The following CCBE1 variants were observed in gnomAD, a reference collection of about 807,000 sequenced individuals.
CCBE1 encodes collagen and calcium binding EGF domains 1, also known as collagen and calcium-binding EGF domain-containing protein 1.
CCBE1 carries 37 observed loss-of-function variants against 50.0 expected under a neutral mutation model. The ratio of observed to expected loss-of-function variants is 0.74; its 90% CI spans 0.57 to 0.97. The LOEUF is 0.97. Ranked by LOEUF, CCBE1 falls within the 50% of genes least tolerant of loss-of-function variation. CCBE1 has a pLI of 0.00. For missense variants in CCBE1, 538 were observed against 523.8 expected (o/e 1.03, Z -0.26); for synonymous variants, 234 against 203.7 (o/e 1.15, Z -1.27).
At chr18:59,478,625 G>A (rs112192966) in intron 3 of CCBE1, among the ~76,000 whole-genome samples, 73 of 152,310 alleles carry the variant, frequency 4.8e-4, no homozygotes, top group Middle Eastern at 3.4e-3. Flanking sequence ...AGGCCTAGAT[G>A]TTTGAAACCA....
chr18:59,623,205 T>A (rs1329943843), intron 2 of CCBE1, among the ~76,000 whole-genome samples: 1 of 152,194 alleles, frequency 6.6e-6, no homozygotes, highest in Non-Finnish European at 1.5e-5. Context: ...AATCCTTTTT[T>A]AAAAAATGTA....
chr18:59,547,736 T>A (rs35324693), intron 2 of CCBE1, among the ~76,000 whole-genome samples: 58,541 of 152,022 alleles, frequency 0.39, 11,322 homozygotes, highest in East Asian at 0.46. Flanking sequence ...AAAGGAAATG[T>A]ATGCAAACAG....
chr18:59,489,987 GTT>G (rs199609938), intron 2 of CCBE1, among the ~76,000 whole-genome samples: 1 of 122,232 alleles, frequency 8.2e-6, no homozygotes, highest in Non-Finnish European at 1.6e-5. Context: ...CGCATAAGGA[GTT>G]TTTTTTTTTT....
At chr18:59,467,750 G>A (rs1322186233) in intron 4 of CCBE1, among the ~76,000 whole-genome samples, 1 of 152,212 alleles carries the variant, frequency 6.6e-6, no homozygotes, top group East Asian at 1.9e-4. Flanking sequence ...GTGCACATGT[G>A]CTGCGTAGAC....
rs1023753597 is a variant in CCBE1 at position 59,514,596 on chromosome 18, G to A, written c.213-34358C>T. Among the ~76,000 whole-genome samples, 19 of 150,572 alleles carry A rather than the reference G, an allele frequency of 1.3e-4. No homozygotes were observed. In the East Asian group the frequency reaches 3.7e-3, roughly 29 times the overall value. On this transcript the variant is annotated intron_variant, in intron 2 of 10. Coordinates refer to ENST00000439986, the MANE Select transcript of CCBE1 (RefSeq NM_133459.4). ...TTCTATGGAATACAGACTTCCTTTGGGGAATTTAGGCATGCTCTCCTGTTT... is the reference window on the plus strand; with the variant it reads ...TTCTATGGAATACAGACTTCCTTTGAGGAATTTAGGCATGCTCTCCTGTTT...
rs1329121812 is a variant in CCBE1, at chr18:59,431,804, A to G, written c.*4104T>C. ...TGACTTCCTTTGGTCAATGAATCCA[A>G]TGGCAGATGTCGGGCATTAACTCAG... On this transcript the variant is annotated 3_prime_UTR_variant, in exon 11 of 11. Transcript: ENST00000439986. 4 of 152,264 alleles carry G rather than the reference A, an allele frequency of 2.6e-5. No homozygotes were observed. The highest frequency in any genetic ancestry group is 1.5e-5 in the Non-Finnish European group (1 of 68,070). 9.4% of individuals were successfully genotyped at this position (152,264 alleles called of 1,614,324 possible).
At chr18:59,611,359 T>C (rs1327578948) in intron 2 of CCBE1, among the ~76,000 whole-genome samples, 2 of 152,184 alleles carry the variant, frequency 1.3e-5, no homozygotes, top group Admixed American at 1.3e-4. Context: ...CAAATGGAAA[T>C]GCATGGCCAA....
chr18:59,470,971 A>G (rs910067787), intron 3 of CCBE1, among the ~76,000 whole-genome samples: 4 of 152,182 alleles, frequency 2.6e-5, no homozygotes, highest in African/African-American at 7.2e-5. Flanking sequence ...CTTTGCCTGC[A>G]TGGTGTTCTG....
At chr18:59,644,478 C>T (rs1192921095) in intron 2 of CCBE1, among the ~76,000 whole-genome samples, 12 of 152,362 alleles carry the variant, frequency 7.9e-5, no homozygotes, top group Middle Eastern at 6.8e-3. Flanking sequence ...CCACTTTAAC[C>T]TGTCCTCAGG....
chr18:59,457,127 T>G, intron 5 of CCBE1, among the ~76,000 whole-genome samples: 1 of 152,188 alleles, frequency 6.6e-6, no homozygotes, highest in Non-Finnish European at 1.5e-5. Context: ...AGTGGCAGTT[T>G]TTAAAAATCC....
chr18:59,535,471 C>T lies in CCBE1; in HGVS notation c.213-55233G>A, dbSNP rs930791541. Among the ~76,000 whole-genome samples the T allele has an allele frequency of 6.6e-5, 10 of 152,124 alleles. No homozygotes were observed. In the East Asian group the frequency reaches 1.5e-3, roughly 23 times the overall value. On this transcript the variant is annotated intron_variant, in intron 2 of 10. Coordinates refer to ENST00000439986, the MANE Select transcript of CCBE1 (RefSeq NM_133459.4). ...TTGCAAGTGAAAATTAGCATAATCA[C>T]CATGAAAAGTAACATGCAATGCATA...
At chr18:59,689,643 G>A (rs1409359409) in intron 2 of CCBE1, among the ~76,000 whole-genome samples, 1 of 152,092 alleles carries the variant, frequency 6.6e-6, no homozygotes, top group Non-Finnish European at 1.5e-5. Context: ...ATGTTGGAGG[G>A]GCATGCCTTC....
chr18:59,528,531 A>G (rs1598982175), intron 2 of CCBE1, among the ~76,000 whole-genome samples: 1 of 151,680 alleles, frequency 6.6e-6, no homozygotes, highest in Non-Finnish European at 1.5e-5. Flanking sequence ...GCAATCATTT[A>G]AAGGAGAAGA....
intron 2 of CCBE1, among the ~76,000 whole-genome samples, chr18:59,581,300 G>C (rs1484874639): frequency 6.6e-6 from 1 of 152,012 alleles, no homozygotes; most frequent in Non-Finnish European, 1.5e-5. Context: ...AATTAGCTGG[G>C]TGTGGTGGTG....
rs140813794 is a variant in CCBE1, at chr18:59,439,747, C to T, written c.845G>A (p.Arg282Gln). ...TGGTCCCATGGGTCCCATTGAGCCC[C>T]GTGGGCCGGGCTGCCCAGGAGGGCC... ...MPGPPGQPGP[R>Q]GSMGPMGPSP... The change falls in exon 8 of 11, where the codon CGG becomes CAG. Residue 282 changes from arginine (R) to glutamine (Q), a missense_variant. By Grantham distance (43) the Arg-to-Gln change is conservative (BLOSUM62 1). Coordinates refer to ENST00000439986, the MANE Select transcript of CCBE1 (RefSeq NM_133459.4). 145 of 1,614,058 alleles carry T rather than the reference C, an allele frequency of 9.0e-5. 2 individuals carry two copies. The Middle Eastern group carries it at 1.8e-3, about 20-fold the overall frequency.
At chr18:59,614,414 A>T (rs1419178228) in intron 2 of CCBE1, among the ~76,000 whole-genome samples, 1 of 152,208 alleles carries the variant, frequency 6.6e-6, no homozygotes, top group Non-Finnish European at 1.5e-5. Flanking sequence ...ACATAGTTCT[A>T]ATTTAAATTT....
rs1397075050 is a variant in CCBE1, at chr18:59,434,299, A to C, written c.*1609T>G. 6.6e-6 allele frequency: 1 copy of C among 152,258 alleles called. No homozygotes were observed. Among genetic ancestry groups the C allele is most frequent in the African/African-American group, 2.4e-5 (1 of 41,466 alleles). 9.4% of individuals were successfully genotyped at this position (152,258 alleles called of 1,614,324 possible). The stretch of plus-strand genomic sequence containing the variant: ...ATGGGAAAGGACATGGCAGGATGGG[A>C]AATTCCAACATGAGCTAATATGAGT... On this transcript the variant is annotated 3_prime_UTR_variant, in exon 11 of 11. Transcript: ENST00000439986.
At chr18:59,691,560 C>T (rs2054733862) in intron 2 of CCBE1, among the ~76,000 whole-genome samples, 1 of 152,210 alleles carries the variant, frequency 6.6e-6, no homozygotes, top group South Asian at 2.1e-4. Flanking sequence ...CGTGTGCCAC[C>T]ATGCCCAGCT....
intron 5 of CCBE1, among the ~76,000 whole-genome samples, chr18:59,463,008 G>T (rs1911565930): frequency 6.6e-6 from 1 of 152,202 alleles, no homozygotes; most frequent in Non-Finnish European, 1.5e-5. Context: ...AGGTCACACT[G>T]GTCATCAACT....
Sources: gnomAD v4.1 joint callset for allele counts (sites outside exome capture counted in the v4.1 genomes callset) on GRCh38, gnomAD v4.1.1 for gene constraint, MANE v1.5 for transcripts, NCBI Gene and HGNC (gene_info 2026-07-23, HGNC 2026-07-21) for gene names.